The following IPO11 variants were observed in gnomAD, a reference collection of about 807,000 sequenced individuals.
The protein encoded by IPO11 is importin-11.
IPO11 carries 66 observed loss-of-function variants against 143.2 expected under a neutral mutation model. The observed-to-expected ratio is 0.46, with a 90% confidence interval of 0.38 to 0.57. IPO11 has a LOEUF of 0.57. Among genes scored for constraint, IPO11 ranks in the 20% least tolerant of loss-of-function variants. The pLI, the probability that IPO11 is intolerant of heterozygous loss-of-function variation, is 0.00. For missense variants in IPO11, 1,026 were observed against 1,141.0 expected (o/e 0.90, Z 1.45); for synonymous variants, 385 against 377.8 (o/e 1.02, Z -0.22).
In IPO11 at chr5:62,591,682, T is replaced by A. The variant is rs1745017484; in HGVS notation, c.2678+10T>A. On this transcript the variant is annotated intron_variant, in intron 28 of 29. Coordinates refer to ENST00000325324, the MANE Select transcript of IPO11 (RefSeq NM_016338.5). ...CAGGAACTTATAAAGAGTAGGTGCA[T>A]TATTTAATTAATCATAATTGGACTT... 6.5e-7 allele frequency: 1 copy of A among 1,547,834 alleles called. No individual in the cohort carries two copies.
chr5:62,496,135 A>G (rs1741142357), intron 16 of IPO11, among the ~76,000 whole-genome samples: 1 of 152,080 alleles, frequency 6.6e-6, no homozygotes, highest in African/African-American at 2.4e-5. Flanking sequence ...TAAAAATACA[A>G]AAATTAGCTG....
At chr5:62,528,978 T>G (rs1030830946) in intron 21 of IPO11, among the ~76,000 whole-genome samples, 1 of 152,162 alleles carries the variant, frequency 6.6e-6, no homozygotes, top group Admixed American at 6.6e-5. Context: ...TACTAGGCTT[T>G]TCAAAAACAA....
chr5:62,425,610 G>A (rs1238527645), intron 1 of IPO11, among the ~76,000 whole-genome samples: 1 of 152,150 alleles, frequency 6.6e-6, no homozygotes, highest in African/African-American at 2.4e-5. Flanking sequence ...GAGCCACCAC[G>A]CCTGGCCAAT....
At chr5:62,570,540 A>G (rs996164156) in intron 27 of IPO11, among the ~76,000 whole-genome samples, 1 of 152,210 alleles carries the variant, frequency 6.6e-6, no homozygotes, top group East Asian at 1.9e-4. Flanking sequence ...GTAGATCACC[A>G]TGCTGTGCAC....
intron 2 of IPO11, among the ~76,000 whole-genome samples, chr5:62,440,349 C>CT (rs747340732): frequency 0.081 from 10,685 of 132,130 alleles, 700 homozygotes; most frequent in East Asian, 0.23. Context: ...TGTACGTCCC[C>CT]TTTTTTTTTT....
At chr5:62,617,047 T>G (rs1266286437) in intron 29 of IPO11, among the ~76,000 whole-genome samples, 1 of 152,196 alleles carries the variant, frequency 6.6e-6, no homozygotes, top group Non-Finnish European at 1.5e-5. Flanking sequence ...TACTTGACCT[T>G]GTTGAGCATT....
chr5:62,625,780 T>C (rs888638899), intron 29 of IPO11, among the ~76,000 whole-genome samples: 6 of 152,240 alleles, frequency 3.9e-5, no homozygotes, highest in Admixed American at 6.5e-5. Flanking sequence ...AGAAATTCTA[T>C]TATTAGACAC....
At chr5:62,544,447 A>G (rs573064766) in intron 24 of IPO11, among the ~76,000 whole-genome samples, 5 of 152,334 alleles carry the variant, frequency 3.3e-5, no homozygotes, top group African/African-American at 9.6e-5. Context: ...GATGGGATGT[A>G]TCTCAGAATA....
At chr5:62,416,167 CT>C (rs1020793217) in intron 1 of IPO11, among the ~76,000 whole-genome samples, 21 of 144,184 alleles carry the variant, frequency 1.5e-4, no homozygotes, top group South Asian at 8.9e-4. Context: ...TTTCTGTTTT[CT>C]TTTTTTTTCT....
chr5:62,449,251 A>G (rs1030558996), intron 3 of IPO11, among the ~76,000 whole-genome samples: 3 of 152,238 alleles, frequency 2.0e-5, no homozygotes, highest in Non-Finnish European at 4.4e-5. Context: ...ACATGTATAC[A>G]GTCTTATACA....
At chr5:62,606,316 A>G (rs1471685752) in intron 29 of IPO11, among the ~76,000 whole-genome samples, 2 of 138,516 alleles carry the variant, frequency 1.4e-5, no homozygotes, top group Non-Finnish European at 3.1e-5. Flanking sequence ...TCCTGCCTCT[A>G]AAAAAAAAAA....
intron 29 of IPO11, among the ~76,000 whole-genome samples, chr5:62,614,829 G>A (rs1746068516): frequency 6.6e-6 from 1 of 152,114 alleles, no homozygotes; most frequent in African/African-American, 2.4e-5. Flanking sequence ...GAAGAATCAG[G>A]TCACACACAG....
intron 26 of IPO11, among the ~76,000 whole-genome samples, chr5:62,552,943 C>G (rs1247619521): frequency 6.6e-6 from 1 of 152,094 alleles, no homozygotes; most frequent in Non-Finnish European, 1.5e-5. Flanking sequence ...CAAACACTTA[C>G]TATTTCTCTG....
chr5:62,589,232 T>G (rs1744923238), intron 27 of IPO11, among the ~76,000 whole-genome samples: 1 of 152,172 alleles, frequency 6.6e-6, no homozygotes. Context: ...GTTATTACCC[T>G]ATTGTTTCCC....
intron 15 of IPO11, among the ~76,000 whole-genome samples, chr5:62,490,992 T>A (rs1375302040): frequency 6.6e-6 from 1 of 152,162 alleles, no homozygotes. Flanking sequence ...ATGCATAAAA[T>A]GAAAGGAAAA....
chr5:62,494,519 G>A (rs1741059723), intron 16 of IPO11, among the ~76,000 whole-genome samples: 1 of 151,800 alleles, frequency 6.6e-6, no homozygotes, highest in African/African-American at 2.4e-5. Flanking sequence ...TTAAGCCTTT[G>A]GAATTATTGG....
intron 1 of IPO11, among the ~76,000 whole-genome samples, chr5:62,417,738 A>G (rs1743351346): frequency 6.6e-6 from 1 of 152,166 alleles, no homozygotes; most frequent in African/African-American, 2.4e-5. Flanking sequence ...GATGACTCCC[A>G]AATCTGGCTT....
At chr5:62,465,947 A>G (rs914112285) in intron 5 of IPO11, among the ~76,000 whole-genome samples, 2 of 152,244 alleles carry the variant, frequency 1.3e-5, no homozygotes, top group Non-Finnish European at 2.9e-5. Flanking sequence ...CTGAGAAGCC[A>G]ATTCTAGACC....
chr5:62,460,742 T>C (rs1009134705), intron 5 of IPO11, among the ~76,000 whole-genome samples: 27 of 152,220 alleles, frequency 1.8e-4, no homozygotes, highest in African/African-American at 6.5e-4. Context: ...CATGAACTAG[T>C]ACCTAACATG....
Sources: gnomAD v4.1 joint callset for allele counts (sites outside exome capture counted in the v4.1 genomes callset) on GRCh38, gnomAD v4.1.1 for gene constraint, MANE v1.5 for transcripts, NCBI Gene and HGNC (gene_info 2026-07-23, HGNC 2026-07-21) for gene names.